SPAG17: variants seen among roughly 807,000 people sequenced by gnomAD.
SPAG17 encodes sperm associated antigen 17.
SPAG17 carries 169 observed loss-of-function variants against 273.6 expected under a neutral mutation model. That is an observed-to-expected ratio of 0.62 (90% CI 0.55 to 0.70). The LOEUF is 0.70. Ranked by LOEUF, SPAG17 falls within the 30% of genes least tolerant of loss-of-function variation. The pLI, the probability that SPAG17 is intolerant of heterozygous loss-of-function variation, is 0.00. For missense variants in SPAG17, 2,557 were observed against 2,627.8 expected (o/e 0.97, Z 0.59); for synonymous variants, 825 against 873.2 (o/e 0.94, Z 0.97).
chr1:118,056,627 C>A (rs1258200876), intron 18 of SPAG17, among the ~76,000 whole-genome samples: 8 of 152,046 alleles, frequency 5.3e-5, no homozygotes, highest in Admixed American at 5.2e-4. Context: ...TTAAATTTGA[C>A]AATAAAAATT....
intron 35 of SPAG17, 102 bp from the exon 36 acceptor site, chr1:117,992,750 T>G: frequency 9.8e-7 from 1 of 1,024,556 alleles, no homozygotes; most frequent in Non-Finnish European, 1.3e-6. Context: ...TCATAATAAC[T>G]TTTTAGGGAC....
intron 20 of SPAG17, 89 bp from the exon 21 acceptor site, chr1:118,042,131 G>A (rs1649840200): frequency 6.8e-7 from 1 of 1,467,942 alleles, no homozygotes; most frequent in South Asian, 1.3e-5. Flanking sequence ...TATTTAACAT[G>A]ATTTTTGTTA....
At chr1:118,173,252 C>A (rs1175760316) in intron 1 of SPAG17, among the ~76,000 whole-genome samples, 1 of 152,114 alleles carries the variant, frequency 6.6e-6, no homozygotes, top group Non-Finnish European at 1.5e-5. Flanking sequence ...AATTTTGTGG[C>A]ACTTTTACTC....
intron 1 of SPAG17, among the ~76,000 whole-genome samples, chr1:118,163,799 T>C (rs908672313): frequency 1.3e-5 from 2 of 152,080 alleles, no homozygotes; most frequent in Non-Finnish European, 2.9e-5. Flanking sequence ...AAGGCCATAA[T>C]GTCCTTAATC....
intron 32 of SPAG17, among the ~76,000 whole-genome samples, chr1:118,000,000 C>A (rs1424335094): frequency 2.6e-5 from 4 of 151,918 alleles, no homozygotes; most frequent in African/African-American, 4.8e-5. Context: ...TAATTTTTGT[C>A]TAAGGTGTAA....
intron 3 of SPAG17, among the ~76,000 whole-genome samples, chr1:118,147,995 G>A (rs574159998): frequency 6.6e-5 from 10 of 152,272 alleles, no homozygotes; most frequent in African/African-American, 2.2e-4. Context: ...GCTAACGAGA[G>A]TACCCTACAA....
At chr1:118,160,565 G>A in intron 1 of SPAG17, among the ~76,000 whole-genome samples, 1 of 152,154 alleles carries the variant, frequency 6.6e-6, no homozygotes, top group East Asian at 1.9e-4. Context: ...TTTATCCCTT[G>A]TTTACTACAA....
intron 9 of SPAG17, 76 bp from the exon 10 acceptor site, chr1:118,091,794 T>G: frequency 3.7e-6 from 5 of 1,348,870 alleles, no homozygotes; most frequent in Non-Finnish European, 5.3e-6. Context: ...CATGCATAAT[T>G]TCAAACTATG....
At chr1:118,060,773 G>A (rs543189460) in intron 18 of SPAG17, among the ~76,000 whole-genome samples, 11 of 152,162 alleles carry the variant, frequency 7.2e-5, no homozygotes, top group African/African-American at 2.6e-4. Context: ...ATTTCTGAAG[G>A]CTACATTTGC....
At chr1:118,009,074 T>G (rs1210888549) in intron 30 of SPAG17, among the ~76,000 whole-genome samples, 1 of 152,140 alleles carries the variant, frequency 6.6e-6, no homozygotes, top group Non-Finnish European at 1.5e-5. Flanking sequence ...TAATATGATA[T>G]GCATGATTTT....
chr1:117,990,138 A>G (rs1656913841), intron 38 of SPAG17, among the ~76,000 whole-genome samples: 1 of 152,090 alleles, frequency 6.6e-6, no homozygotes, highest in South Asian at 2.1e-4. Flanking sequence ...AATTATCTTC[A>G]GCCAAATTTA....
intron 13 of SPAG17, among the ~76,000 whole-genome samples, chr1:118,083,846 T>C (rs1482958411): frequency 2.0e-5 from 3 of 152,014 alleles, no homozygotes; most frequent in South Asian, 2.1e-4. Flanking sequence ...TAGAAAGTAG[T>C]TGTCATTCAT....
chr1:118,176,467 A>T (rs1245902163), intron 1 of SPAG17, among the ~76,000 whole-genome samples: 4 of 152,208 alleles, frequency 2.6e-5, no homozygotes, highest in African/African-American at 9.6e-5. Context: ...AGAGACAAAC[A>T]AGGTCACTAA....
intron 3 of SPAG17, among the ~76,000 whole-genome samples, chr1:118,150,115 T>C (rs1659289777): frequency 6.6e-6 from 1 of 152,212 alleles, no homozygotes; most frequent in South Asian, 2.1e-4. Context: ...TGTACCTCTG[T>C]CTTATACAAG....
At chr1:118,046,318 C>G (rs1344359975) in intron 20 of SPAG17, among the ~76,000 whole-genome samples, 3 of 151,956 alleles carry the variant, frequency 2.0e-5, no homozygotes, top group Non-Finnish European at 4.4e-5. Context: ...GCCTGGGGGA[C>G]AGAGTGAGAC....
chr1:117,959,581 G>T (rs1652756034), intron 48 of SPAG17: 2 of 997,870 alleles, frequency 2.0e-6, no homozygotes, highest in Middle Eastern at 3.2e-4. Context: ...TCAGGATGTG[G>T]TTTCCAGCTT....
chr1:118,126,043 G>GTTTTTTTTTTT (rs33966143), intron 3 of SPAG17, among the ~76,000 whole-genome samples: 1 of 136,750 alleles, frequency 7.3e-6, no homozygotes, highest in Non-Finnish European at 1.5e-5. Flanking sequence ...GTTATTTTCT[G>GTTTTTTTTTTT]TTTTTTTTTT....
chr1:118,007,083 C>A (rs1212086126), intron 31 of SPAG17, among the ~76,000 whole-genome samples: 1 of 151,710 alleles, frequency 6.6e-6, no homozygotes, highest in Non-Finnish European at 1.5e-5. Flanking sequence ...TGGTGGTGTC[C>A]TTTGAATCAC....
intron 8 of SPAG17, among the ~76,000 whole-genome samples, chr1:118,092,834 G>T (rs899311967): frequency 1.3e-5 from 2 of 152,170 alleles, no homozygotes; most frequent in Non-Finnish European, 2.9e-5. Flanking sequence ...TTTCATTATT[G>T]TATTGCCAGC....
Sources: allele counts gnomAD v4.1 joint callset (sites outside exome capture counted in the v4.1 genomes callset), GRCh38; gene constraint gnomAD v4.1.1; transcripts MANE v1.5; gene names NCBI Gene and HGNC (gene_info 2026-07-23, HGNC 2026-07-21).